The following KCNN2 variants were observed in gnomAD, a reference collection of about 807,000 sequenced individuals.
The protein encoded by KCNN2 is small conductance calcium-activated potassium channel protein 2.
KCNN2 carries 24 observed loss-of-function variants against 55.5 expected under a neutral mutation model. The observed-to-expected ratio is 0.43, with a 90% CI of 0.31 to 0.61. The LOEUF is 0.61. KCNN2 is among the 20% of genes least tolerant of loss of function. KCNN2 has a pLI of 0.08. For synonymous variants in KCNN2, 431 were observed against 336.1 expected (o/e 1.28, Z -3.09); for missense variants, 754 against 853.6 (o/e 0.88, Z 1.45).
At chr5:114,168,137 G>A (rs183115096) in intron 1 of KCNN2, among the ~76,000 whole-genome samples, 1 of 147,782 alleles carries the variant, frequency 6.8e-6, no homozygotes, top group Non-Finnish European at 1.5e-5. Flanking sequence ...ATATATGTGT[G>A]TATATAGATA....
intron 1 of KCNN2, among the ~76,000 whole-genome samples, chr5:114,173,952 C>A (rs1235561770): frequency 6.6e-6 from 1 of 151,900 alleles, no homozygotes; most frequent in Non-Finnish European, 1.5e-5. Context: ...AACCTCCAAG[C>A]ATGCTTTTTA....
Position 114,342,047 on chromosome 5 carries a change from A to G in KCNN2, c.-184-18898A>G, listed in dbSNP as rs547031264. Among the ~76,000 whole-genome samples, 6 of 151,852 alleles carry G rather than the reference A, an allele frequency of 4.0e-5. No homozygotes were observed. The East Asian group carries it at 5.8e-4, about 15-fold the overall frequency. ...CTCCCAAGTAGCTGGGACTACAGGC[A>G]CCCGCCACCATGCCTGGCTAATTTT... On this transcript the variant is annotated intron_variant, in intron 2 of 10. Transcript: ENST00000512097.
At chr5:114,448,040 A>G (rs1235155200) in intron 3 of KCNN2, among the ~76,000 whole-genome samples, 1 of 152,204 alleles carries the variant, frequency 6.6e-6, no homozygotes, top group Non-Finnish European at 1.5e-5. Flanking sequence ...TTTTTAAGTA[A>G]TTAGTAGGCT....
chr5:114,257,303 C>A (rs1755003621), intron 2 of KCNN2, among the ~76,000 whole-genome samples: 1 of 151,948 alleles, frequency 6.6e-6, no homozygotes, highest in South Asian at 2.1e-4. Context: ...ATACCTCCAG[C>A]TTTGTTCTTT....
chr5:114,304,984 T>G (rs1430064755), intron 2 of KCNN2, among the ~76,000 whole-genome samples: 1 of 152,200 alleles, frequency 6.6e-6, no homozygotes, highest in Non-Finnish European at 1.5e-5. Flanking sequence ...AATAACAGAT[T>G]GCTGATTTTT....
chr5:114,481,717 G>C (rs1478515125), intron 5 of KCNN2, among the ~76,000 whole-genome samples: 1 of 151,556 alleles, frequency 6.6e-6, no homozygotes, highest in Admixed American at 6.6e-5. Flanking sequence ...CAATGGAACA[G>C]AAATGAAGTC....
At chr5:114,107,536 A>G (rs556185000) in intron 1 of KCNN2, among the ~76,000 whole-genome samples, 1 of 151,788 alleles carries the variant, frequency 6.6e-6, no homozygotes, top group Admixed American at 6.6e-5. Flanking sequence ...AGCCATGCAC[A>G]ACCATGCCTG....
intron 4 of KCNN2, among the ~76,000 whole-genome samples, chr5:114,471,979 A>G (rs1390201725): frequency 6.6e-6 from 1 of 152,190 alleles, no homozygotes; most frequent in Non-Finnish European, 1.5e-5. Context: ...GCCTCTGTCT[A>G]GCGGACTCTG....
At chr5:114,311,488 A>C (rs1355820612) in intron 2 of KCNN2, among the ~76,000 whole-genome samples, 1 of 152,180 alleles carries the variant, frequency 6.6e-6, no homozygotes, top group Non-Finnish European at 1.5e-5. Flanking sequence ...GGATGAAATT[A>C]TAATTCTCCT....
At chr5:114,324,364 T>C (rs1388939403) in intron 2 of KCNN2, among the ~76,000 whole-genome samples, 1 of 152,198 alleles carries the variant, frequency 6.6e-6, no homozygotes, top group East Asian at 1.9e-4. Flanking sequence ...GTAGGCCTAA[T>C]TTAATTACAC....
chr5:114,347,742 C>G (rs916510028), intron 2 of KCNN2, among the ~76,000 whole-genome samples: 17 of 152,006 alleles, frequency 1.1e-4, no homozygotes, highest in African/African-American at 3.9e-4. Context: ...GCTAAAAACA[C>G]AAACCAAAAG....
At chr5:114,161,705 A>G (rs529572379) in intron 1 of KCNN2, among the ~76,000 whole-genome samples, 3 of 151,996 alleles carry the variant, frequency 2.0e-5, no homozygotes, top group African/African-American at 2.4e-5. Context: ...TAATTTCTCC[A>G]TATTCTTTTT....
intron 1 of KCNN2, among the ~76,000 whole-genome samples, chr5:114,132,631 G>T (rs1427756359): frequency 6.6e-6 from 1 of 152,060 alleles, no homozygotes; most frequent in African/African-American, 2.4e-5. Flanking sequence ...AGACTCTAAT[G>T]GTTCATTATT....
At chr5:114,216,751 C>G (rs1239553287) in intron 1 of KCNN2, among the ~76,000 whole-genome samples, 1 of 152,154 alleles carries the variant, frequency 6.6e-6, no homozygotes, top group East Asian at 1.9e-4. Context: ...TTCATTGTTG[C>G]ACTGGATGTT....
intron 2 of KCNN2, among the ~76,000 whole-genome samples, chr5:114,237,296 A>T (rs1352954962): frequency 1.4e-5 from 2 of 146,400 alleles, no homozygotes; most frequent in Non-Finnish European, 3.0e-5. Context: ...ACACACTCAC[A>T]CACACACTCA....
intron 1 of KCNN2, among the ~76,000 whole-genome samples, chr5:114,098,209 A>G (rs1751302027): frequency 2.0e-5 from 3 of 152,008 alleles, no homozygotes; most frequent in Non-Finnish European, 4.4e-5. Context: ...TACCTGGATA[A>G]TCTCTCCATC....
chr5:114,288,732 G>A (rs1055780494), intron 2 of KCNN2, among the ~76,000 whole-genome samples: 48 of 152,016 alleles, frequency 3.2e-4, no homozygotes, highest in African/African-American at 1.2e-3. Flanking sequence ...TTGTTATTGA[G>A]TTGTAAGTAT....
chr5:114,494,974 A>G (rs1363871402), intron 7 of KCNN2, among the ~76,000 whole-genome samples: 1 of 152,158 alleles, frequency 6.6e-6, no homozygotes, highest in Non-Finnish European at 1.5e-5. Context: ...GACTTGGGAA[A>G]GTCTGCACTA....
rs1030067767 is a variant in KCNN2, at chr5:114,483,687, G to A, written c.1891-3363G>A. Among the ~76,000 whole-genome samples, 3 of 150,472 alleles carry A rather than the reference G, an allele frequency of 2.0e-5. No individual in the cohort carries two copies. The Admixed American group carries it at 2.0e-4, about 10-fold the overall frequency. Reference sequence around the variant, plus strand: ...TTGATTACGGTTGATTACTAGTGAGGCAGAGCAAATGTTCTTATTTTTCAA... The same window carrying A: ...TTGATTACGGTTGATTACTAGTGAGACAGAGCAAATGTTCTTATTTTTCAA... On this transcript the variant is annotated intron_variant, in intron 5 of 7. Transcript: ENST00000673685.
Sources: allele counts gnomAD v4.1 joint callset (sites outside exome capture counted in the v4.1 genomes callset), GRCh38; gene constraint gnomAD v4.1.1; transcripts MANE v1.5; gene names NCBI Gene and HGNC (gene_info 2026-07-23, HGNC 2026-07-21).